EZR: variants seen among roughly 807,000 people sequenced by gnomAD.
EZR encodes the protein cytovillin 2.
A neutral mutation model predicts 74.8 loss-of-function variants in EZR; 40 were observed. The ratio of observed to expected loss-of-function variants is 0.53; its 90% confidence interval spans 0.42 to 0.70. The LOEUF (loss-of-function observed/expected upper bound fraction) is 0.70, where lower values mean the gene tolerates loss of function less well. Ranked by LOEUF, EZR falls within the 30% of genes least tolerant of loss-of-function variation. EZR has a pLI of 0.00. For missense variants in EZR, 678 were observed against 755.8 expected (o/e 0.90, Z 1.21); for synonymous variants, 341 against 283.3 (o/e 1.20, Z -2.05).
chr6:158,811,227 T>C (rs527697573), intron 2 of EZR, among the ~76,000 whole-genome samples: 5 of 152,228 alleles, frequency 3.3e-5, no homozygotes, highest in South Asian at 4.1e-4. Flanking sequence ...TAAAAACTAA[T>C]TGGAGTACTT....
intron 2 of EZR, among the ~76,000 whole-genome samples, chr6:158,808,756 G>A (rs770850379): frequency 7.9e-5 from 12 of 152,148 alleles, no homozygotes; most frequent in Admixed American, 3.3e-4. Flanking sequence ...CTATTTGCTC[G>A]TCCTTCTTCC....
rs765580487 is a variant in EZR, at chr6:158,766,890, C to G, written c.*24G>C. 6.2e-7 allele frequency: 1 copy of G among 1,610,844 alleles called. No homozygotes were observed. The highest frequency in any genetic ancestry group is 2.2e-5 in the East Asian group (1 of 44,830). On this transcript the variant is annotated 3_prime_UTR_variant, in exon 14 of 14. Coordinates refer to ENST00000367075, the MANE Select transcript of EZR (RefSeq NM_001111077.2). ...GGCAGCGCCCGCTATGAGCACCCCT[C>G]TGCCCTTGGTCCTGGCCTGGCTGTT...
intron 2 of EZR, among the ~76,000 whole-genome samples, chr6:158,812,006 G>C (rs938724146): frequency 1.8e-4 from 27 of 151,804 alleles, no homozygotes; most frequent in African/African-American, 5.3e-4. Context: ...TTTTCTCTTT[G>C]AAAACAAAGA....
At chr6:158,805,705 TAAAA>T (rs1324342610) in intron 2 of EZR, among the ~76,000 whole-genome samples, 1 of 152,140 alleles carries the variant, frequency 6.6e-6, no homozygotes, top group Non-Finnish European at 1.5e-5. Flanking sequence ...AAATTAAAAT[TAAAA>T]AAACTCTTCA....
In EZR at chr6:158,766,570, C is replaced by A; in HGVS notation, c.*344G>T. On this transcript the variant is annotated 3_prime_UTR_variant, in exon 14 of 14. Coordinates refer to ENST00000367075, the MANE Select transcript of EZR (RefSeq NM_001111077.2). Reference sequence around the variant, plus strand: ...ACAGATGGAAGTCCTGCCACGTTTCCTTTAATGATGCTGACTCTTGTATCA... The same window carrying A: ...ACAGATGGAAGTCCTGCCACGTTTCATTTAATGATGCTGACTCTTGTATCA... 1 of 232,824 alleles carries A rather than the reference C, an allele frequency of 4.3e-6. No homozygotes were observed. The highest frequency in any genetic ancestry group is 8.3e-6 in the Non-Finnish European group (1 of 121,132). The allele number at this position is 232,824 out of a possible 1,614,324, so 14.4% of individuals were successfully genotyped here.
intron 2 of EZR, among the ~76,000 whole-genome samples, chr6:158,814,056 C>T (rs1777502099): frequency 6.6e-6 from 1 of 152,108 alleles, no homozygotes; most frequent in South Asian, 2.1e-4. Flanking sequence ...GATCTGAGCA[C>T]CAACTCCTAC....
rs749617970 is a variant in EZR, at chr6:158,783,664, T to C, written c.554A>G (p.Asp185Gly). The change falls in exon 7 of 14, where the codon GAT becomes GGT. Residue 185 changes from aspartate to glycine, a missense_variant and splice_region_variant. Asp to Gly is a moderately conservative substitution (Grantham distance 94). Around this residue, in one of 3 missense-constraint regions of EZR, gnomAD observed 217 missense variants for 232.2 expected, o/e 0.93. Transcript: ENST00000367075. ...WHAEHRGMLK[D>G]NAMLEYLKIA... ...CTTCAGGTATTCCAACATAGCATTA[T>C]CTCTAATTGGGGAGAGTGAAACAGG... 4.3e-6 allele frequency: 7 copies of C among 1,613,554 alleles called. No individual in the cohort carries two copies. The highest frequency in any genetic ancestry group is 1.7e-6 in the Non-Finnish European group (2 of 1,179,746).
intron 12 of EZR, among the ~76,000 whole-genome samples, chr6:158,768,723 G>T (rs917756486): frequency 6.6e-6 from 1 of 152,186 alleles, no homozygotes; most frequent in African/African-American, 2.4e-5. Flanking sequence ...CTCTGTGCTA[G>T]GTCCTGGGCA....
intron 1 of EZR, among the ~76,000 whole-genome samples, chr6:158,818,569 G>A (rs1321925252): frequency 3.3e-5 from 5 of 150,336 alleles, no homozygotes; most frequent in Admixed American, 2.0e-4. Context: ...CGCGGGCCCC[G>A]GGGAACACTC....
intron 8 of EZR, among the ~76,000 whole-genome samples, chr6:158,774,822 TGAA>T (rs1791225340): frequency 6.6e-6 from 1 of 151,928 alleles, no homozygotes; most frequent in South Asian, 2.1e-4. Context: ...AGCCTACTGA[TGAA>T]GAGATTTCAG....
chr6:158,771,145 ACT>A, intron 9 of EZR, 97 bp downstream of exon 9: 1 of 1,492,002 alleles, frequency 6.7e-7, no homozygotes. Context: ...ATTCCACCAC[ACT>A]CTCCCCATCA....
rs573335394 is a variant in EZR at position 158,792,518 on chromosome 6, G to A, written c.13-3147C>T. 9.3e-5 allele frequency among the ~76,000 whole-genome samples: 14 copies of A among 150,382 alleles called. No homozygotes were observed. The South Asian group carries it at 2.3e-3, about 25-fold the overall frequency. The stretch of plus-strand genomic sequence containing the variant: ...AGGTTGGTTTTAACAACCCAGTAGC[G>A]TGTAGAAAGTGAACTTAAAAATTGG... On this transcript the variant is annotated intron_variant, in intron 2 of 13. Transcript: ENST00000367075.
At chr6:158,780,714 T>G (rs1055998230) in intron 7 of EZR, among the ~76,000 whole-genome samples, 3 of 152,238 alleles carry the variant, frequency 2.0e-5, no homozygotes, top group Admixed American at 6.5e-5. Flanking sequence ...TTTACAGGAC[T>G]AAAGATCAGG....
chr6:158,818,145 GCAGCGAAGACGCTGTCC>G lies in EZR; in HGVS notation c.-69_-53del, dbSNP rs1340772140. On this transcript the variant is annotated 5_prime_UTR_variant, in exon 2 of 14. Coordinates refer to ENST00000367075, the MANE Select transcript of EZR (RefSeq NM_001111077.2). ...TCCCCGAAAACACGACTATCCAGCA[GCAGCGAAGACGCTGTCC>G]CAACCTGGAGTCAGAGCAGAACCCT... The G allele has an allele frequency of 4.4e-6, 7 of 1,601,698 alleles. No homozygotes were observed. Among genetic ancestry groups the G allele is most frequent in the Non-Finnish European group, 6.0e-6 (7 of 1,171,804 alleles).
At chr6:158,791,350 A>G (rs1457329734) in intron 2 of EZR, among the ~76,000 whole-genome samples, 1 of 152,114 alleles carries the variant, frequency 6.6e-6, no homozygotes, top group Non-Finnish European at 1.5e-5. Flanking sequence ...CCTGCTGGTA[A>G]TTTTTTTAAA....
intron 2 of EZR, among the ~76,000 whole-genome samples, chr6:158,794,254 T>C (rs1777009590): frequency 6.6e-6 from 1 of 152,282 alleles, no homozygotes; most frequent in South Asian, 2.1e-4. Flanking sequence ...CACTCCAGCC[T>C]GGGTGATACA....
chr6:158,770,993 G>A (rs1791088703), intron 9 of EZR, 99 bp from the exon 10 acceptor site: 1 of 1,551,156 alleles, frequency 6.4e-7, no homozygotes, highest in Non-Finnish European at 8.8e-7. Flanking sequence ...GGATGGACTT[G>A]GTATCCTGAG....
At chr6:158,797,202 G>A (rs937295047) in intron 2 of EZR, among the ~76,000 whole-genome samples, 12 of 152,126 alleles carry the variant, frequency 7.9e-5, no homozygotes, top group Non-Finnish European at 1.3e-4. Context: ...AAAAGTCCAA[G>A]ATCAGTTCCT....
In EZR at chr6:158,769,377, C is replaced by G. The variant is rs141046324; in HGVS notation, c.1293G>C (p.Leu431=). The change falls in exon 12 of 14, where the codon CTG becomes CTC. Residue 431 remains leucine, a synonymous_variant. Transcript: ENST00000367075. ...LAEYTAKIAL[L]EEARRRKEDE... ...CCTCCTTGCGCCTCCGCGCCTCTTC[C>G]AGGAGGGCAATCTTGGCAGTGTATT... The G allele has an allele frequency of 1.1e-3, 1,709 of 1,609,118 alleles. 4 individuals carry two copies. The highest frequency in any genetic ancestry group is 1.4e-3 in the Non-Finnish European group (1,606 of 1,180,026).
Sources: gnomAD v4.1 joint callset for allele counts (sites outside exome capture counted in the v4.1 genomes callset) on GRCh38, gnomAD v4.1.1 for gene constraint, gnomAD v4.1.1 regional missense constraint, MANE v1.5 for transcripts, NCBI Gene and HGNC (gene_info 2026-07-23, HGNC 2026-07-21) for gene names.